Variants in CSMD1 observed in about 807,000 individuals in gnomAD.
CSMD1 encodes the protein CUB and sushi domain-containing protein 1.
Under a neutral mutation model 417.5 loss-of-function variants are expected in CSMD1, and 213 were observed. The observed-to-expected ratio is 0.51, with a 90% CI of 0.46 to 0.57. CSMD1 has a LOEUF of 0.57. CSMD1 is among the 20% of genes least tolerant of loss of function. The pLI, the probability that CSMD1 is intolerant of heterozygous loss-of-function variation, is 0.00. For synonymous variants in CSMD1, 2,862 were observed against 1,736.8 expected, an observed-to-expected ratio of 1.65 and a Z score of -16.11; for missense variants, 6,923 against 4,529.7, an observed-to-expected ratio of 1.53 and a Z score of -15.17.
chr8:4,616,941 G>A (rs964850208), intron 2 of CSMD1, among the ~76,000 whole-genome samples: 5 of 143,570 alleles, frequency 3.5e-5, no homozygotes, highest in Admixed American at 7.0e-5. Flanking sequence ...TGATTGTATT[G>A]TCTTTTATTT....
chr8:4,528,049 C>A (rs1474416517), intron 2 of CSMD1, among the ~76,000 whole-genome samples: 1 of 152,142 alleles, frequency 6.6e-6, no homozygotes, highest in Non-Finnish European at 1.5e-5. Context: ...GCATCAAAGC[C>A]TAGAGCCTTT....
At chr8:3,691,792 T>TA (rs1294525950) in intron 7 of CSMD1, among the ~76,000 whole-genome samples, 1 of 152,014 alleles carries the variant, frequency 6.6e-6, no homozygotes, top group East Asian at 1.9e-4. Context: ...CTCTTTGGTT[T>TA]AAAAAAAAGA....
At chr8:4,851,414 T>A (rs1208208965) in intron 1 of CSMD1, among the ~76,000 whole-genome samples, 2 of 152,132 alleles carry the variant, frequency 1.3e-5, no homozygotes, top group East Asian at 3.8e-4. Context: ...TTTTCCTGGC[T>A]GCATCTTCTT....
chr8:4,256,574 T>C (rs561547432), intron 3 of CSMD1, among the ~76,000 whole-genome samples: 13 of 150,512 alleles, frequency 8.6e-5, no homozygotes, highest in African/African-American at 3.1e-4. Flanking sequence ...TAAAACCCCA[T>C]GGGAAGGGGT....
chr8:3,695,382 G>A (rs1800494037), intron 7 of CSMD1, among the ~76,000 whole-genome samples: 1 of 150,848 alleles, frequency 6.6e-6, no homozygotes, highest in Non-Finnish European at 1.5e-5. Flanking sequence ...GACTCAACGT[G>A]TCCTGTATGC....
chr8:4,240,835 G>T (rs1802356166), intron 3 of CSMD1, among the ~76,000 whole-genome samples: 1 of 152,022 alleles, frequency 6.6e-6, no homozygotes, highest in South Asian at 2.1e-4. Flanking sequence ...TCTATGTGAG[G>T]GCGTAGCATG....
At chr8:3,544,554 C>T (rs964393873) in intron 10 of CSMD1, among the ~76,000 whole-genome samples, 9 of 152,078 alleles carry the variant, frequency 5.9e-5, no homozygotes, top group African/African-American at 1.7e-4. Context: ...TTGTTTCTTG[C>T]ATGAGATCCA....
intron 3 of CSMD1, among the ~76,000 whole-genome samples, chr8:4,312,425 GTA>G (rs1491132299): frequency 5.6e-5 from 6 of 107,892 alleles, no homozygotes; most frequent in African/African-American, 2.0e-4. Flanking sequence ...ATATATGCGC[GTA>G]TATATATATG....
chr8:4,938,262 A>C (rs1454586310), intron 1 of CSMD1, among the ~76,000 whole-genome samples: 1 of 152,224 alleles, frequency 6.6e-6, no homozygotes, highest in Non-Finnish European at 1.5e-5. Flanking sequence ...TAATTTCCAA[A>C]ACTCTATTTG....
intron 4 of CSMD1, 137 bp downstream of exon 4, chr8:4,031,768 G>T: frequency 1.7e-6 from 1 of 576,752 alleles, no homozygotes; most frequent in Non-Finnish European, 2.9e-6. Flanking sequence ...ATTGCTTTCA[G>T]GAGCAGAATG....
rs901687923 is a variant in CSMD1, at chr8:4,011,852, T to C, written c.611-13742A>G. Among the ~76,000 whole-genome samples the C allele has an allele frequency of 2.0e-5, 3 of 152,278 alleles. 1 individual carries two copies. The highest frequency in any genetic ancestry group is 2.0e-4 in the Admixed American group (3 of 15,300). On this transcript the variant is annotated intron_variant, in intron 4 of 69. Transcript: ENST00000635120. The stretch of plus-strand genomic sequence containing the variant: ...AGTCATCTTTGGTATCCATTGGGAA[T>C]TGGTTCCAGGATCCACAATGCTCAA...
intron 1 of CSMD1, among the ~76,000 whole-genome samples, chr8:4,844,696 T>G (rs970364670): frequency 6.6e-6 from 1 of 152,218 alleles, no homozygotes; most frequent in Admixed American, 6.5e-5. Context: ...ATTATTATCT[T>G]AGACTCTAAA....
rs1796890604 is a variant in CSMD1, at chr8:3,199,735, C to T, written c.5173G>A (p.Gly1725Ser). The T allele has an allele frequency of 2.5e-6, 4 of 1,587,498 alleles. No homozygotes were observed. The highest frequency in any genetic ancestry group is 2.3e-5 in the East Asian group (1 of 43,760). Reference sequence around the variant, plus strand: ...TTACCTTGATACACGAAGTGGAAGCCGCGGGCAGAGGCACCGCTCTTTGCA... The same window carrying T: ...TTACCTTGATACACGAAGTGGAAGCTGCGGGCAGAGGCACCGCTCTTTGCA... ...FSAKSGASAR[G>S]FHFVYQAVPR... The change falls in exon 33 of 70, where the codon GGC (glycine) becomes AGC (serine). Residue 1725 changes from glycine (G) to serine (S), a missense_variant. Transcript: ENST00000635120.
chr8:3,629,317 C>CTG (rs1796658375), intron 7 of CSMD1, among the ~76,000 whole-genome samples: 1 of 102,304 alleles, frequency 9.8e-6, no homozygotes, highest in Non-Finnish European at 2.3e-5. Flanking sequence ...ATATTATTTT[C>CTG]TTTCACTGAT....
intron 7 of CSMD1, among the ~76,000 whole-genome samples, chr8:3,667,383 G>C (rs997219004): frequency 1.3e-5 from 2 of 152,080 alleles, no homozygotes; most frequent in Non-Finnish European, 2.9e-5. Flanking sequence ...GAAAGGTCTC[G>C]GAGGAGTGAA....
At chr8:4,441,256 C>G (rs557953931) in intron 2 of CSMD1, among the ~76,000 whole-genome samples, 1 of 135,350 alleles carries the variant, frequency 7.4e-6, no homozygotes, top group Non-Finnish European at 1.5e-5. Context: ...GAGCACTACA[C>G]TCAGTTTTTT....
intron 1 of CSMD1, among the ~76,000 whole-genome samples, chr8:4,873,065 T>C (rs76541436): frequency 0.016 from 2,490 of 152,182 alleles, 82 homozygotes; most frequent in African/African-American, 0.057. Context: ...GTGTACAATA[T>C]GATGTTTTCG....
At chr8:4,078,525 A>G (rs1585265785) in intron 3 of CSMD1, among the ~76,000 whole-genome samples, 1 of 151,958 alleles carries the variant, frequency 6.6e-6, no homozygotes, top group East Asian at 1.9e-4. Flanking sequence ...CGGCCTCCCA[A>G]AGTGCTGGGA....
chr8:3,960,507 G>T (rs988377993), intron 5 of CSMD1, among the ~76,000 whole-genome samples: 1 of 152,094 alleles, frequency 6.6e-6, no homozygotes, highest in African/African-American at 2.4e-5. Context: ...TAAATATTGA[G>T]AAAATTTAAA....
Sources: allele counts gnomAD v4.1 joint callset (sites outside exome capture counted in the v4.1 genomes callset), GRCh38; gene constraint gnomAD v4.1.1; transcripts MANE v1.5; gene names NCBI Gene and HGNC (gene_info 2026-07-23, HGNC 2026-07-21).